Variants in PSKH2 observed in about 807,000 individuals in gnomAD.
PSKH2 encodes protein serine kinase H2, also known as serine/threonine-protein kinase H2.
Under a neutral mutation model 22.5 loss-of-function variants are expected in PSKH2, and 16 were observed. The observed-to-expected ratio is 0.71, with a 90% CI of 0.48 to 1.08. PSKH2 has a LOEUF of 1.08. Ranked by LOEUF, PSKH2 falls within the 50% of genes least tolerant of loss-of-function variation. PSKH2 has a pLI of 0.00. For synonymous variants in PSKH2, 188 were observed against 184.8 expected (o/e 1.02, Z -0.14); for missense variants, 516 against 492.8 (o/e 1.05, Z -0.44).
rs1270773879 is a variant in PSKH2, at chr8:86,047,774, T to C, written c.*688A>G. 6.6e-6 allele frequency among the ~76,000 whole-genome samples: 1 copy of C among 152,140 alleles called. No homozygotes were observed. Among genetic ancestry groups the C allele is most frequent in the East Asian group, 1.9e-4 (1 of 5,196 alleles). Reference sequence around the variant, plus strand: ...AGTACATACTGAAAAGAGTTGACAGTAGTGATAAGAAGCAAGATGTTTATA... The same window carrying C: ...AGTACATACTGAAAAGAGTTGACAGCAGTGATAAGAAGCAAGATGTTTATA... On this transcript the variant is annotated 3_prime_UTR_variant, in exon 3 of 3. Transcript: ENST00000276616.
In PSKH2 at chr8:86,048,617, C is replaced by A. The variant is rs1331682099; in HGVS notation, c.1003G>T (p.Ala335Ser). 2.2e-5 allele frequency: 35 copies of A among 1,613,924 alleles called. No individual in the cohort carries two copies. Among genetic ancestry groups the A allele is most frequent in the Non-Finnish European group, 2.9e-5 (34 of 1,180,014 alleles). Reference sequence around the variant, plus strand: ...CTCTGCATGAGGTTTCGGGATATGGCCCTCTGGAGATTCTTCATGGAAGAC... The same window carrying A: ...CTCTGCATGAGGTTTCGGGATATGGACCTCTGGAGATTCTTCATGGAAGAC... ...AGSSMKNLQR[A>S]ISRNLMQRAS... The change falls in exon 3 of 3, where the codon GCC becomes TCC. Residue 335 changes from alanine to serine, a missense_variant. By Grantham distance (99) the Ala-to-Ser change is moderately conservative (BLOSUM62 1). Transcript: ENST00000276616.
intron 2 of PSKH2, among the ~76,000 whole-genome samples, chr8:86,053,912 C>T (rs1032069710): frequency 3.3e-5 from 5 of 152,080 alleles, no homozygotes; most frequent in East Asian, 1.9e-4. Context: ...TGACACGCAG[C>T]GGTAGTCCCA....
At chr8:86,066,956 C>T (rs1343878993) in intron 1 of PSKH2, among the ~76,000 whole-genome samples, 2 of 152,164 alleles carry the variant, frequency 1.3e-5, no homozygotes, top group South Asian at 2.1e-4. Context: ...TGCAGACCAA[C>T]CAAGTTTTAT....
chr8:86,050,858 A>G (rs562180870), intron 2 of PSKH2, among the ~76,000 whole-genome samples: 1 of 152,254 alleles, frequency 6.6e-6, no homozygotes, highest in Admixed American at 6.5e-5. Flanking sequence ...TAGACATCAC[A>G]TTCTCCAATC....
At position 86,048,403 on chromosome 8, in the gene PSKH2, G is replaced by A; in HGVS notation, c.*59C>T. 7.9e-7 allele frequency: 1 copy of A among 1,258,952 alleles called. No individual in the cohort carries two copies. The highest frequency in any genetic ancestry group is 1.1e-6 in the Non-Finnish European group (1 of 882,766). 78.0% of individuals were successfully genotyped at this position (1,258,952 alleles called of 1,614,324 possible). On this transcript the variant is annotated 3_prime_UTR_variant, in exon 3 of 3. Coordinates refer to ENST00000276616, the MANE Select transcript of PSKH2 (RefSeq NM_033126.3). ...TCCCGTGTCTTTGGAGCTTGAGGGT[G>A]CCCTAATCATGATGAAATGGTCCTA... is the stretch of plus-strand genomic sequence containing the variant.
chr8:86,052,204 A>G (rs1014333097), intron 2 of PSKH2, among the ~76,000 whole-genome samples: 13 of 152,300 alleles, frequency 8.5e-5, no homozygotes, highest in African/African-American at 2.4e-4. Context: ...TGATGACATC[A>G]TTTAGTCTTT....
intron 1 of PSKH2, among the ~76,000 whole-genome samples, chr8:86,066,754 G>C (rs1360148036): frequency 6.6e-6 from 1 of 151,860 alleles, no homozygotes; most frequent in Non-Finnish European, 1.5e-5. Context: ...GGCTGTACCA[G>C]ATTACAGAAA....
At chr8:86,066,596 A>G (rs1817863096) in intron 1 of PSKH2, 1 of 152,168 alleles carries the variant, frequency 6.6e-6, no homozygotes, top group South Asian at 2.1e-4. Flanking sequence ...TATATCACAT[A>G]TTCAATACCA....
At chr8:86,060,596 A>G (rs1413077143) in intron 2 of PSKH2, among the ~76,000 whole-genome samples, 1 of 152,162 alleles carries the variant, frequency 6.6e-6, no homozygotes, top group Non-Finnish European at 1.5e-5. Context: ...CAGTGTGGCT[A>G]TGTTTGGAGA....
intron 1 of PSKH2, among the ~76,000 whole-genome samples, chr8:86,068,600 GA>G (rs1391094181): frequency 2.0e-5 from 3 of 152,116 alleles, no homozygotes; most frequent in Non-Finnish European, 4.4e-5. Flanking sequence ...AGAAACGAAG[GA>G]AGGAAAAAAG....
intron 1 of PSKH2, among the ~76,000 whole-genome samples, chr8:86,068,232 G>T (rs7834719): frequency 0.021 from 3,246 of 152,320 alleles, 107 homozygotes; most frequent in African/African-American, 0.073. Flanking sequence ...GCTCTGCATA[G>T]ATTCTGGACA....
chr8:86,049,881 G>GGGAAGGAAGGAA (rs141303568), intron 2 of PSKH2, among the ~76,000 whole-genome samples: 2 of 149,212 alleles, frequency 1.3e-5, no homozygotes, highest in African/African-American at 4.9e-5. Context: ...GAGGGAGGGA[G>GGGAAGGAAGGAA]GGAAGGAAGG....
chr8:86,064,395 G>A lies in PSKH2; in HGVS notation c.422C>T (p.Thr141Ile), dbSNP rs143912637. ...GAGTCGATCAAAGAGCTCCCCTCCGGTAGCCAGCTCCATTACCATGTAAAC... is the reference window on the plus strand; with the variant it reads ...GAGTCGATCAAAGAGCTCCCCTCCGATAGCCAGCTCCATTACCATGTAAAC... ...DQVYMVMELA[T>I]GGELFDRLIA... Residue 141 changes from threonine (T) to isoleucine (I), a missense_variant, in exon 2 of 3, where the codon ACC becomes ATC. By Grantham distance (89) the Thr-to-Ile change is moderately conservative. Coordinates refer to ENST00000276616, the MANE Select transcript of PSKH2 (RefSeq NM_033126.3). The A allele has an allele frequency of 1.9e-6, 3 of 1,613,942 alleles. No individual in the cohort carries two copies. The African/African-American group carries it at 4.0e-5, about 22-fold the overall frequency.
At chr8:86,051,343 C>T (rs915452991) in intron 2 of PSKH2, among the ~76,000 whole-genome samples, 16 of 152,108 alleles carry the variant, frequency 1.1e-4, no homozygotes, top group Admixed American at 3.3e-4. Flanking sequence ...CTGCCTCGGC[C>T]GCCCAAATTG....
In PSKH2 at chr8:86,048,534, A is replaced by G. The variant is rs1161635346; in HGVS notation, c.1086T>C (p.Ser362=). The G allele has an allele frequency of 6.2e-7, 1 of 1,614,106 alleles. No homozygotes were observed. The highest frequency in any genetic ancestry group is 1.1e-5 in the South Asian group (1 of 91,084). ...TGCTCCACATATGCCTGGATTTGTG[A>G]GAATAATGTGACTTAGAAGACTGTG... The part of the protein sequence containing the change: ...GSAQSSKSHY[S]HKSRHMWSKR... The change falls in exon 3 of 3, where the codon TCT becomes TCC. Residue 362 remains serine, a synonymous_variant. Coordinates refer to ENST00000276616, the MANE Select transcript of PSKH2 (RefSeq NM_033126.3).
At chr8:86,049,687 A>G (rs191610329) in intron 2 of PSKH2, among the ~76,000 whole-genome samples, 1 of 12,174 alleles carries the variant, frequency 8.2e-5, no homozygotes, top group East Asian at 2.7e-3. Context: ...AGAAAGAAAG[A>G]AAGAAAGAAA....
chr8:86,049,810 GGAA>G (rs1817604484), intron 2 of PSKH2, among the ~76,000 whole-genome samples: 18 of 148,874 alleles, frequency 1.2e-4, no homozygotes, highest in Admixed American at 1.2e-3. Context: ...GAGAGAAAGA[GGAA>G]GAAAGAAAGG....
chr8:86,048,085 A>T lies in PSKH2; in HGVS notation c.*377T>A, dbSNP rs1274369422. 6.6e-6 allele frequency among the ~76,000 whole-genome samples: 1 copy of T among 152,192 alleles called. No homozygotes were observed. Among genetic ancestry groups the T allele is most frequent in the Non-Finnish European group, 1.5e-5 (1 of 68,034 alleles). On this transcript the variant is annotated 3_prime_UTR_variant, in exon 3 of 3. Coordinates refer to ENST00000276616, the MANE Select transcript of PSKH2 (RefSeq NM_033126.3). ...TTAAATAAAAATCAGTAATTTCAGG[A>T]TAAATACATATATTCCCCATATCTA...
At chr8:86,060,735 T>C (rs1478097119) in intron 2 of PSKH2, among the ~76,000 whole-genome samples, 1 of 152,108 alleles carries the variant, frequency 6.6e-6, no homozygotes, top group African/African-American at 2.4e-5. Context: ...CTGACAGACA[T>C]GGGGAGGGAA....
Sources: gnomAD v4.1 joint callset for allele counts (sites outside exome capture counted in the v4.1 genomes callset) on GRCh38, gnomAD v4.1.1 for gene constraint, MANE v1.5 for transcripts, NCBI Gene and HGNC (gene_info 2026-07-23, HGNC 2026-07-21) for gene names.